The following ZCWPW2 variants were observed in gnomAD, a reference collection of about 807,000 sequenced individuals.
The protein encoded by ZCWPW2 is zinc finger CW-type and PWWP domain containing 2.
ZCWPW2 carries 45 observed loss-of-function variants against 46.6 expected under a neutral mutation model. The ratio of observed to expected loss-of-function variants is 0.96; its 90% CI spans 0.76 to 1.24. The LOEUF is 1.24. Among genes scored for constraint, ZCWPW2 ranks in the 50% most tolerant of loss-of-function variants. The pLI is 0.00. For missense variants in ZCWPW2, 429 were observed against 403.9 expected, an observed-to-expected ratio of 1.06 and a Z score of -0.53; for synonymous variants, 152 against 137.1, an observed-to-expected ratio of 1.11 and a Z score of -0.76.
chr3:28,430,309 G>T (rs1401554663), intron 3 of ZCWPW2, among the ~76,000 whole-genome samples: 2 of 152,236 alleles, frequency 1.3e-5, no homozygotes, highest in African/African-American at 4.8e-5. Flanking sequence ...TGATTTGGCT[G>T]CCCCACTGGA....
chr3:28,514,611 G>T (rs1436440254), intron 7 of ZCWPW2, among the ~76,000 whole-genome samples: 3 of 152,018 alleles, frequency 2.0e-5, no homozygotes, highest in African/African-American at 7.2e-5. Context: ...TTTTCTAAAA[G>T]AATTAATAGA....
rs141119827 is a variant in ZCWPW2 at position 28,430,352 on chromosome 3, G to A, written c.333-4758G>A. Among the ~76,000 whole-genome samples, 8 of 152,306 alleles carry A rather than the reference G, an allele frequency of 5.3e-5. No homozygotes were observed. The East Asian group carries it at 1.3e-3, about 26-fold the overall frequency. On this transcript the variant is annotated intron_variant, in intron 3 of 9. Coordinates refer to ENST00000383768, the MANE Select transcript of ZCWPW2 (RefSeq NM_001040432.4). The stretch of plus-strand genomic sequence containing the variant: ...CTTACATGGGGCCTGAGGCCCCTTC[G>A]TTTTGGCCAATTTCTTATTTGGAAT...
At chr3:28,398,966 G>A (rs1168620034) in intron 2 of ZCWPW2, among the ~76,000 whole-genome samples, 1 of 152,220 alleles carries the variant, frequency 6.6e-6, no homozygotes, top group African/African-American at 2.4e-5. Flanking sequence ...CATGAATCCA[G>A]TGTGCAGACT....
intron 1 of ZCWPW2, among the ~76,000 whole-genome samples, chr3:28,357,622 C>T (rs185522772): frequency 2.6e-5 from 4 of 151,806 alleles, no homozygotes; most frequent in Admixed American, 2.6e-4. Context: ...AAGTTTTCTG[C>T]CTGTGGACTA....
chr3:28,417,585 T>A (rs1167380938), intron 3 of ZCWPW2, among the ~76,000 whole-genome samples: 1 of 149,522 alleles, frequency 6.7e-6, no homozygotes, highest in Non-Finnish European at 1.5e-5. Context: ...TAGACCAATA[T>A]CCTTGATGAA....
chr3:28,392,188 T>C (rs1270779629), intron 2 of ZCWPW2, among the ~76,000 whole-genome samples: 3 of 152,076 alleles, frequency 2.0e-5, no homozygotes, highest in African/African-American at 7.2e-5. Flanking sequence ...TTAGACAAAA[T>C]AGACTTTAAG....
chr3:28,444,956 C>A (rs1267543231), intron 4 of ZCWPW2, among the ~76,000 whole-genome samples: 1 of 151,988 alleles, frequency 6.6e-6, no homozygotes, highest in African/African-American at 2.4e-5. Flanking sequence ...CAAGGAGTAT[C>A]AGTGTTTCTA....
intron 1 of ZCWPW2, among the ~76,000 whole-genome samples, chr3:28,362,452 T>C (rs989804903): frequency 6.6e-6 from 1 of 152,122 alleles, no homozygotes; most frequent in Non-Finnish European, 1.5e-5. Context: ...AAGACATACA[T>C]GCGGCCAACA....
chr3:28,358,903 A>G (rs1334540869), intron 1 of ZCWPW2, among the ~76,000 whole-genome samples: 17 of 152,072 alleles, frequency 1.1e-4, no homozygotes. Context: ...TTGTTTTCCT[A>G]ACAATTTAAT....
At position 28,492,155 on chromosome 3, in the gene ZCWPW2, T is replaced by G. The variant is rs756956440; in HGVS notation, c.639T>G (p.Ala213=). The change falls in exon 6 of 10, where the codon GCT becomes GCG. Residue 213 remains alanine, a synonymous_variant. Transcript: ENST00000383768. ...QDKSETHDKV[A]ALVKKRKQTS... ...AATCCGAAACACATGACAAAGTTGC[T>G]GCACTGGTCAAGAAAAGGGTAAGAT... The G allele has an allele frequency of 1.4e-5, 22 of 1,608,872 alleles. No homozygotes were observed. The highest frequency in any genetic ancestry group is 6.7e-5 in the Admixed American group (4 of 59,348).
intron 4 of ZCWPW2, among the ~76,000 whole-genome samples, chr3:28,440,513 C>T (rs1697707485): frequency 6.6e-6 from 1 of 152,286 alleles, no homozygotes; most frequent in African/African-American, 2.4e-5. Flanking sequence ...GATGCTGATT[C>T]AGAACATATG....
intron 6 of ZCWPW2, among the ~76,000 whole-genome samples, chr3:28,512,078 T>C (rs920845067): frequency 6.6e-6 from 1 of 152,176 alleles, no homozygotes; most frequent in Non-Finnish European, 1.5e-5. Context: ...TGAAGATATG[T>C]TCCTGGATAT....
At chr3:28,372,317 T>C (rs1705362651) in intron 1 of ZCWPW2, among the ~76,000 whole-genome samples, 1 of 152,118 alleles carries the variant, frequency 6.6e-6, no homozygotes, top group African/African-American at 2.4e-5. Context: ...TTTTGTGATA[T>C]AAAGACATGG....
intron 2 of ZCWPW2, among the ~76,000 whole-genome samples, chr3:28,410,374 A>G (rs1186974847): frequency 6.6e-6 from 1 of 151,926 alleles, no homozygotes; most frequent in Non-Finnish European, 1.5e-5. Flanking sequence ...AAAGCTTGGT[A>G]TAATGATTAA....
chr3:28,349,450 T>G (rs902757807), intron 1 of ZCWPW2, among the ~76,000 whole-genome samples: 9 of 152,168 alleles, frequency 5.9e-5, no homozygotes, highest in African/African-American at 2.2e-4. Context: ...GGCGATCACT[T>G]GAGGCACAAG....
intron 3 of ZCWPW2, among the ~76,000 whole-genome samples, chr3:28,432,534 C>A (rs184464194): frequency 1.3e-5 from 2 of 152,248 alleles, no homozygotes; most frequent in African/African-American, 4.8e-5. Flanking sequence ...TATTTGCTGT[C>A]TTCCCTTCCT....
At chr3:28,410,772 A>G (rs1305459623) in intron 2 of ZCWPW2, among the ~76,000 whole-genome samples, 1 of 152,000 alleles carries the variant, frequency 6.6e-6, no homozygotes, top group Non-Finnish European at 1.5e-5. Context: ...CAAAGAAAGT[A>G]AAAGGAAAGA....
intron 1 of ZCWPW2, among the ~76,000 whole-genome samples, chr3:28,370,706 C>A (rs1209874789): frequency 6.6e-6 from 1 of 152,102 alleles, no homozygotes; most frequent in Non-Finnish European, 1.5e-5. Context: ...CATGAACTTA[C>A]TCTGCTAATT....
chr3:28,405,221 T>A (rs1384816323), intron 2 of ZCWPW2, among the ~76,000 whole-genome samples: 1 of 152,192 alleles, frequency 6.6e-6, no homozygotes, highest in Non-Finnish European at 1.5e-5. Context: ...ATGGTCTGAA[T>A]GTCTGTGTCC....
Sources: allele counts gnomAD v4.1 joint callset (sites outside exome capture counted in the v4.1 genomes callset), GRCh38; gene constraint gnomAD v4.1.1; transcripts MANE v1.5; gene names NCBI Gene and HGNC (gene_info 2026-07-23, HGNC 2026-07-21).